Variants in UGT3A2 observed in about 807,000 individuals in gnomAD.
The protein encoded by UGT3A2 is UDP glycosyltransferase family 3 member A2.
Under a neutral mutation model 39.8 loss-of-function variants are expected in UGT3A2, and 32 were observed. That is an observed-to-expected ratio of 0.80 (90% confidence interval 0.61 to 1.08). The LOEUF is 1.08. Ranked by LOEUF, UGT3A2 falls within the 50% of genes least tolerant of loss-of-function variation. UGT3A2 has a pLI of 0.00. For synonymous variants in UGT3A2, 241 were observed against 230.7 expected (o/e 1.04, Z -0.40); for missense variants, 611 against 637.1 (o/e 0.96, Z 0.44).
Position 36,049,181 on chromosome 5 carries a change from A to G in UGT3A2, c.551T>C (p.Val184Ala), listed in dbSNP as rs773246032. Residue 184 changes from valine to alanine, a missense_variant, in exon 4 of 7, where the codon GTT becomes GCT. Coordinates refer to ENST00000282507, the MANE Select transcript of UGT3A2 (RefSeq NM_174914.4). ...EFGLPIPLSY[V>A]PVFRSLLTDH... ...AGTCAGCAAGGAACGGAATACTGGA[A>G]CATAAGACAAGGGGATTGGTAGCCC... 4 of 1,614,212 alleles carry G rather than the reference A, an allele frequency of 2.5e-6. No individual in the cohort carries two copies. The highest frequency in any genetic ancestry group is 2.5e-6 in the Non-Finnish European group (3 of 1,180,048).
At chr5:36,064,228 A>G (rs749256718) in intron 2 of UGT3A2, 21 bp downstream of exon 2, 2 of 1,609,746 alleles carry the variant, frequency 1.2e-6, no homozygotes, top group South Asian at 2.2e-5. Context: ...AGGAGAAATC[A>G]AGAAAAGTGA....
intron 4 of UGT3A2, among the ~76,000 whole-genome samples, chr5:36,046,882 G>A: frequency 6.6e-6 from 1 of 152,140 alleles, no homozygotes; most frequent in South Asian, 2.1e-4. Flanking sequence ...AAGTCCCCCA[G>A]GTAGCTCTTA....
intron 4 of UGT3A2, among the ~76,000 whole-genome samples, chr5:36,048,532 T>G (rs1053706813): frequency 2.0e-5 from 3 of 152,230 alleles, no homozygotes; most frequent in Admixed American, 1.3e-4. Flanking sequence ...TAACAATTAC[T>G]GCATGTAATG....
intron 4 of UGT3A2, among the ~76,000 whole-genome samples, chr5:36,042,226 G>A (rs981462265): frequency 6.6e-6 from 1 of 151,944 alleles, no homozygotes; most frequent in Non-Finnish European, 1.5e-5. Flanking sequence ...AAACTTAGCG[G>A]ACTGGGAGAT....
intron 4 of UGT3A2, among the ~76,000 whole-genome samples, chr5:36,046,709 A>C (rs72742501): frequency 6.6e-6 from 1 of 152,262 alleles, no homozygotes; most frequent in Non-Finnish European, 1.5e-5. Context: ...GGGTGACTAC[A>C]GTCAACAATA....
chr5:36,048,917 A>G lies in UGT3A2; in HGVS notation c.815T>C (p.Met272Thr), dbSNP rs749641114. The G allele has an allele frequency of 5.6e-6, 9 of 1,614,082 alleles. No homozygotes were observed. In the South Asian group the frequency reaches 8.8e-5, roughly 16 times the overall value. ...LPNTVYVGGL[M>T]EKPIKPVPQD... The stretch of plus-strand genomic sequence containing the variant: ...TGGTACTGGTTTAATAGGTTTTTCC[A>G]TCAAGCCTCCAACATAAACAGTGTT... Residue 272 changes from methionine (M) to threonine (T), a missense_variant, in exon 4 of 7, where the codon ATG (methionine) becomes ACG (threonine). By Grantham distance (81) the Met-to-Thr change is moderately conservative. Coordinates refer to ENST00000282507, the MANE Select transcript of UGT3A2 (RefSeq NM_174914.4).
Position 36,066,735 on chromosome 5 carries a change from G to A in UGT3A2, c.55C>T (p.Leu19Phe), listed in dbSNP as rs769204521. 15 of 1,614,084 alleles carry A rather than the reference G, an allele frequency of 9.3e-6. No individual in the cohort carries two copies. The East Asian group carries it at 1.8e-4, about 19-fold the overall frequency. The change falls in exon 1 of 7, where the codon CTC becomes TTC. Residue 19 changes from leucine to phenylalanine, a missense_variant. By Grantham distance (22) the Leu-to-Phe change is conservative (BLOSUM62 0). Coordinates refer to ENST00000282507, the MANE Select transcript of UGT3A2 (RefSeq NM_174914.4). ...LVGFLLPGVL[L>F]SEAAKILTIS... ...GTCAGGATTTTGGCAGCCTCTGAGA[G>A]CAGGACCCCAGGGAGAAGGAAGCCC...
intron 4 of UGT3A2, among the ~76,000 whole-genome samples, chr5:36,040,048 G>C (rs1321287155): frequency 6.6e-6 from 1 of 152,152 alleles, no homozygotes; most frequent in African/African-American, 2.4e-5. Context: ...CCAACACAAG[G>C]AGTGGGACTT....
chr5:36,066,609 ACT>A (rs1165393790), intron 1 of UGT3A2, 85 bp downstream of exon 1: 115 of 1,597,434 alleles, frequency 7.2e-5, no homozygotes, highest in Non-Finnish European at 9.4e-5. Flanking sequence ...CACGTGGATG[ACT>A]CTGATCAAGC....
chr5:36,054,078 A>C (rs751221002), intron 2 of UGT3A2, among the ~76,000 whole-genome samples: 2 of 152,218 alleles, frequency 1.3e-5, no homozygotes, highest in African/African-American at 2.4e-5. Flanking sequence ...GTTTTAAGAA[A>C]GTTTATGAAT....
chr5:36,044,627 G>A (rs944875387), intron 4 of UGT3A2, among the ~76,000 whole-genome samples: 2 of 152,130 alleles, frequency 1.3e-5, no homozygotes, highest in Non-Finnish European at 2.9e-5. Context: ...CACAAATTCA[G>A]TAAAGTTGCA....
chr5:36,048,991 C>A lies in UGT3A2; in HGVS notation c.741G>T (p.Trp247Cys). 1.2e-6 allele frequency: 2 copies of A among 1,614,170 alleles called. No individual in the cohort carries two copies. The highest frequency in any genetic ancestry group is 2.2e-5 in the East Asian group (1 of 44,886). ...CAAAGGCAAAGTCAGAGTTAATGAA[C>A]CACAACTCTGCTTTCAGTAGAAGAT... ...LSHLLLKAEL[W>C]FINSDFAFDF... The change falls in exon 4 of 7, where the codon TGG (tryptophan) becomes TGT (cysteine). Residue 247 changes from tryptophan (W) to cysteine (C), a missense_variant. By Grantham distance (215) the Trp-to-Cys change is radical. Transcript: ENST00000282507.
intron 4 of UGT3A2, among the ~76,000 whole-genome samples, chr5:36,046,493 G>GTGAACTAAGCCAGACACGGAAAGACA (rs1327172639): frequency 1.3e-5 from 2 of 152,204 alleles, no homozygotes; most frequent in Non-Finnish European, 2.9e-5. Context: ...ATTATGTTAA[G>GTGAACTAAGCCAGACACGGAAAGACA]TGAACTAAGC....
Position 36,035,385 on chromosome 5 carries a change from T to G in UGT3A2, c.*313A>C. On this transcript the variant is annotated 3_prime_UTR_variant, in exon 7 of 7. Coordinates refer to ENST00000282507, the MANE Select transcript of UGT3A2 (RefSeq NM_174914.4). Reference sequence around the variant, plus strand: ...AGGCGCATGAGAAGGAAGGTGGATTTTAAGGCTGGAAATCTGAGGGTCAGT... The same window carrying G: ...AGGCGCATGAGAAGGAAGGTGGATTGTAAGGCTGGAAATCTGAGGGTCAGT... The G allele has an allele frequency of 2.9e-6, 1 of 343,096 alleles. No homozygotes were observed. The highest frequency in any genetic ancestry group is 5.5e-6 in the Non-Finnish European group (1 of 183,338). The allele number at this position is 343,096 out of a possible 1,614,324, so 21.3% of individuals were successfully genotyped here. A position where few individuals can be genotyped will look rare whatever the true frequency, so the allele number is the denominator to read the frequency against.
rs1487303008 is a variant in UGT3A2, at chr5:36,049,397, T to C, written c.335A>G (p.Asn112Ser). 8.3e-6 allele frequency: 13 copies of C among 1,561,168 alleles called. No individual in the cohort carries two copies. Among genetic ancestry groups the C allele is most frequent in the South Asian group, 1.2e-5 (1 of 82,508 alleles). The change falls in exon 4 of 7, where the codon AAT becomes AGT. Residue 112 changes from asparagine to serine, a missense_variant. Physicochemically the swap from Asn to Ser is conservative, Grantham distance 46. Coordinates refer to ENST00000282507, the MANE Select transcript of UGT3A2 (RefSeq NM_174914.4). ...CTGCAACGCCAAGTATTCTAGAACA[T>C]TTAATAAGTTTTCAAATTTTCCTCT... ...GGRGKFENLLNVLEYLALQCS... is the reference protein window; with the variant it reads ...GGRGKFENLLSVLEYLALQCS...
intron 2 of UGT3A2, among the ~76,000 whole-genome samples, chr5:36,053,077 A>G (rs1440525351): frequency 5.3e-5 from 8 of 152,152 alleles, no homozygotes; most frequent in African/African-American, 1.9e-4. Context: ...ATTGCCCACA[A>G]TCTTTGCCAG....
chr5:36,044,734 C>T (rs1295136692), intron 4 of UGT3A2, among the ~76,000 whole-genome samples: 1 of 144,124 alleles, frequency 6.9e-6, no homozygotes, highest in African/African-American at 2.4e-5. Flanking sequence ...ATTTACAATG[C>T]CCACAAACAA....
Position 36,049,433 on chromosome 5 carries a change from A to C in UGT3A2, c.312-13T>G. 6.6e-7 allele frequency: 1 copy of C among 1,517,562 alleles called. No individual in the cohort carries two copies. The allele number at this position is 1,517,562 out of a possible 1,614,324, so 94.0% of individuals were successfully genotyped here. A position where few individuals can be genotyped will look rare whatever the true frequency, so the allele number is the denominator to read the frequency against. On this transcript the variant is annotated splice_polypyrimidine_tract_variant and intron_variant, in intron 3 of 6. Coordinates refer to ENST00000282507, the MANE Select transcript of UGT3A2 (RefSeq NM_174914.4). ...TTCAAATTTTCCTCTGTAAGAAAAA[A>C]ATGATAATAAATATTCATGGGAAGT... is the stretch of plus-strand genomic sequence containing the variant.
rs1741942836 is a variant in UGT3A2 at position 36,039,638 on chromosome 5, T to A, written c.914A>T (p.Asn305Ile). 6.2e-7 allele frequency: 1 copy of A among 1,614,050 alleles called. No individual in the cohort carries two copies. Residue 305 changes from asparagine to isoleucine, a missense_variant, in exon 5 of 7, where the codon AAC becomes ATC. Physicochemically the swap from Asn to Ile is moderately radical, Grantham distance 149. Transcript: ENST00000282507. ...GAAGATTTCCGGATTCTGACAGGTG[T>A]TCACCATGGAGCCCAAGGTCACAAG... ...FVLVTLGSMV[N>I]TCQNPEIFKE...
Sources: gnomAD v4.1 joint callset for allele counts (sites outside exome capture counted in the v4.1 genomes callset) on GRCh38, gnomAD v4.1.1 for gene constraint, MANE v1.5 for transcripts, NCBI Gene and HGNC (gene_info 2026-07-23, HGNC 2026-07-21) for gene names.